The following TNFAIP6 variants were observed in gnomAD, a reference collection of about 807,000 sequenced individuals.
TNFAIP6 encodes tumor necrosis factor-inducible gene 6 protein.
Under a neutral mutation model 33.7 loss-of-function variants are expected in TNFAIP6, and 36 were observed. That is an observed-to-expected ratio of 1.07 (90% CI 0.82 to 1.41). The LOEUF (loss-of-function observed/expected upper bound fraction) is 1.41, where lower values mean the gene tolerates loss of function less well. TNFAIP6 is among the 40% of genes most tolerant of loss of function. The probability of loss-of-function intolerance (pLI) is 0.00; values close to 1 mark genes in which losing one functional copy is unlikely to be tolerated. For missense variants in TNFAIP6, 273 were observed against 331.9 expected (o/e 0.82, Z 1.38); for synonymous variants, 113 against 112.8 (o/e 1.00, Z -0.01).
At chr2:151,379,122 A>G (rs185820351) in intron 5 of TNFAIP6, among the ~76,000 whole-genome samples, 3 of 152,184 alleles carry the variant, frequency 2.0e-5, no homozygotes, top group Admixed American at 6.5e-5. Context: ...ATAAATAAAT[A>G]CAATAGACAA....
intron 5 of TNFAIP6, among the ~76,000 whole-genome samples, chr2:151,374,635 A>G (rs1684871798): frequency 6.6e-6 from 1 of 152,240 alleles, no homozygotes; most frequent in Non-Finnish European, 1.5e-5. Flanking sequence ...TTATCGAATG[A>G]TTAATGCTTA....
chr2:151,366,321 G>T lies in TNFAIP6; in HGVS notation c.394+104G>T. ...CTTTTTCCAGAAATAATTGATTTTGGTAATAATAACTACTACTAATAACTA... is the reference window on the plus strand; with the variant it reads ...CTTTTTCCAGAAATAATTGATTTTGTTAATAATAACTACTACTAATAACTA... On this transcript the variant is annotated intron_variant, in intron 3 of 5. Coordinates refer to ENST00000243347, the MANE Select transcript of TNFAIP6 (RefSeq NM_007115.4). 1.2e-5 allele frequency: 13 copies of T among 1,072,196 alleles called. No homozygotes were observed. The South Asian group carries it at 2.1e-4, about 17-fold the overall frequency. The allele number at this position is 1,072,196 out of a possible 1,614,324, so 66.4% of individuals were successfully genotyped here. A position where few individuals can be genotyped will look rare whatever the true frequency, so the allele number is the denominator to read the frequency against.
intron 1 of TNFAIP6, among the ~76,000 whole-genome samples, chr2:151,360,390 A>C (rs769372589): frequency 1.3e-5 from 2 of 152,254 alleles, no homozygotes; most frequent in African/African-American, 2.4e-5. Context: ...CAAATGAGGA[A>C]ACTGAGGCTC....
At position 151,364,065 on chromosome 2, in the gene TNFAIP6, G is replaced by A. The variant is rs1002258799; in HGVS notation, c.217G>A (p.Ala73Thr). Residue 73 changes from alanine to threonine, a missense_variant, in exon 2 of 6, where the codon GCA becomes ACA. Physicochemically the swap from Ala to Thr is moderately conservative, Grantham distance 58. Transcript: ENST00000243347. ...GHLATYKQLE[A>T]ARKIGFHVCA... ...TCTCGCAACTTACAAGCAGCTAGAGGCAGCCAGAAAAATTGGTAACTGATT... is the reference window on the plus strand; with the variant it reads ...TCTCGCAACTTACAAGCAGCTAGAGACAGCCAGAAAAATTGGTAACTGATT... The A allele has an allele frequency of 7.4e-6, 12 of 1,612,986 alleles. No homozygotes were observed. The highest frequency in any genetic ancestry group is 1.0e-5 in the Non-Finnish European group (12 of 1,179,786).
chr2:151,358,166 G>A (rs930521035), intron 1 of TNFAIP6, among the ~76,000 whole-genome samples: 9 of 152,076 alleles, frequency 5.9e-5, no homozygotes, highest in South Asian at 4.1e-4. Flanking sequence ...TGGAGTCTAC[G>A]AAAATTTTAT....
At chr2:151,380,423 C>T (rs1438515460), downstream of TNFAIP6, among the ~76,000 whole-genome samples, 1 of 151,972 alleles carries the variant, frequency 6.6e-6, no homozygotes, top group Non-Finnish European at 1.5e-5. Context: ...TGCAATTATA[C>T]TTGATTTTGC....
At chr2:151,376,290 T>C (rs541845788) in intron 5 of TNFAIP6, among the ~76,000 whole-genome samples, 12 of 151,932 alleles carry the variant, frequency 7.9e-5, no homozygotes, top group African/African-American at 2.9e-4. Flanking sequence ...TCCTGATGCG[T>C]ACCTGTAGTC....
At chr2:151,376,473 CA>C (rs1484823539) in intron 5 of TNFAIP6, among the ~76,000 whole-genome samples, 2 of 150,524 alleles carry the variant, frequency 1.3e-5, no homozygotes, top group African/African-American at 4.9e-5. Flanking sequence ...AATCCTACCA[CA>C]TTAATAAGAG....
chr2:151,361,370 C>T (rs1044684189), intron 1 of TNFAIP6, among the ~76,000 whole-genome samples: 1 of 152,064 alleles, frequency 6.6e-6, no homozygotes, highest in Non-Finnish European at 1.5e-5. Flanking sequence ...GCTACCATGC[C>T]CGGCCAAATC....
At position 151,366,215 on chromosome 2, in the gene TNFAIP6, A is replaced by C; in HGVS notation, c.392A>C (p.His131Pro). 6.2e-7 allele frequency: 1 copy of C among 1,613,504 alleles called. No individual in the cohort carries two copies. The highest frequency in any genetic ancestry group is 8.5e-7 in the Non-Finnish European group (1 of 1,179,526). The change falls in exon 3 of 6, where the codon CAC (histidine) becomes CCC (proline). Residue 131 changes from histidine to proline, a missense_variant and splice_region_variant. Physicochemically the swap from His to Pro is moderately conservative, Grantham distance 77. Coordinates refer to ENST00000243347, the MANE Select transcript of TNFAIP6 (RefSeq NM_007115.4). ...TGGGATGCCTATTGCTACAACCCAC[A>C]CGGTGTGTTAAAAATAATAATTTTA... ...ERWDAYCYNP[H>P]AKECGGVFTD...
At chr2:151,377,868 G>A (rs371607555) in intron 5 of TNFAIP6, among the ~76,000 whole-genome samples, 36 of 151,914 alleles carry the variant, frequency 2.4e-4, no homozygotes, top group African/African-American at 7.5e-4. Context: ...GCATGAACTC[G>A]GAAACCAGAC....
intron 4 of TNFAIP6, among the ~76,000 whole-genome samples, chr2:151,371,605 C>CT (rs1448723555): frequency 1.7e-4 from 20 of 121,060 alleles, no homozygotes; most frequent in East Asian, 4.9e-4. Flanking sequence ...TTTTTTTTTT[C>CT]TTTTTTTTGA....
downstream of TNFAIP6, among the ~76,000 whole-genome samples, chr2:151,380,639 A>G (rs1684998523): frequency 6.6e-6 from 1 of 152,226 alleles, no homozygotes; most frequent in Admixed American, 6.5e-5. Context: ...AACAGAAAAC[A>G]AAAAGCAGAC....
chr2:151,361,058 TTTTTG>T (rs1684616526), intron 1 of TNFAIP6, among the ~76,000 whole-genome samples: 1 of 152,026 alleles, frequency 6.6e-6, no homozygotes, highest in Non-Finnish European at 1.5e-5. Context: ...TCTGTTAATT[TTTTTG>T]TTTTGTTTTG....
intron 5 of TNFAIP6, among the ~76,000 whole-genome samples, chr2:151,375,968 G>A (rs370359713): frequency 2.6e-5 from 4 of 152,186 alleles, no homozygotes; most frequent in South Asian, 2.1e-4. Flanking sequence ...GAAGTCAGCC[G>A]GGCACAGTGG....
chr2:151,379,346 C>A lies in TNFAIP6; in HGVS notation c.665-18C>A. ...GGAGAGTAACATCTTTGTTCTTTTG[C>A]CTCCTTCCCCGCAACAGGAAATGTC... is the stretch of plus-strand genomic sequence containing the variant. On this transcript the variant is annotated intron_variant, in intron 5 of 5. Coordinates refer to ENST00000243347, the MANE Select transcript of TNFAIP6 (RefSeq NM_007115.4). 6.4e-7 allele frequency: 1 copy of A among 1,573,262 alleles called. No individual in the cohort carries two copies. The highest frequency in any genetic ancestry group is 8.6e-7 in the Non-Finnish European group (1 of 1,166,152).
chr2:151,368,151 A>G (rs974662027), intron 3 of TNFAIP6, among the ~76,000 whole-genome samples: 9 of 151,994 alleles, frequency 5.9e-5, no homozygotes, highest in African/African-American at 1.9e-4. Flanking sequence ...TGTATATTTT[A>G]TTATACAGTA....
intron 3 of TNFAIP6, among the ~76,000 whole-genome samples, chr2:151,369,212 T>C (rs148355650): frequency 1.0e-3 from 157 of 152,084 alleles, no homozygotes; most frequent in African/African-American, 3.5e-3. Context: ...CAACAAAAAA[T>C]AGGCGTGTGC....
intron 2 of TNFAIP6, among the ~76,000 whole-genome samples, chr2:151,364,953 G>A (rs930695849): frequency 1.3e-5 from 2 of 152,152 alleles, no homozygotes; most frequent in Non-Finnish European, 2.9e-5. Flanking sequence ...ATTGCTCTTG[G>A]TGGCATTGAC....
Sources: allele counts gnomAD v4.1 joint callset (sites outside exome capture counted in the v4.1 genomes callset), GRCh38; gene constraint gnomAD v4.1.1; transcripts MANE v1.5; gene names NCBI Gene and HGNC (gene_info 2026-07-23, HGNC 2026-07-21).